HMCN1: variants seen among roughly 807,000 people sequenced by gnomAD.
HMCN1 encodes hemicentin-1.
Under a neutral mutation model 625.9 loss-of-function variants are expected in HMCN1, and 321 were observed. That is an observed-to-expected ratio of 0.51 (90% confidence interval 0.47 to 0.56). The LOEUF (loss-of-function observed/expected upper bound fraction) is 0.56. Ranked by LOEUF, HMCN1 falls within the 20% of genes least tolerant of loss-of-function variation. HMCN1 has a pLI of 0.00. For synonymous variants in HMCN1, 2,425 were observed against 2,417.6 expected (o/e 1.00, Z -0.09); for missense variants, 6,588 against 6,887.3 (o/e 0.96, Z 1.54).
intron 1 of HMCN1, among the ~76,000 whole-genome samples, chr1:185,742,036 G>GT (rs5779257): frequency 0.048 from 7,252 of 152,218 alleles, 492 homozygotes; most frequent in African/African-American, 0.16. Flanking sequence ...ATTGAGCTTA[G>GT]TTTGATAAAC....
At chr1:185,992,835 T>C (rs547459526) in intron 22 of HMCN1, among the ~76,000 whole-genome samples, 172 of 152,312 alleles carry the variant, frequency 1.1e-3, no homozygotes, top group African/African-American at 4.0e-3. Context: ...GTCTTCTTTT[T>C]CCTTTACTTT....
chr1:185,989,514 T>C lies in HMCN1; in HGVS notation c.3075T>C (p.Ser1025=). The C allele has an allele frequency of 6.2e-7, 1 of 1,613,988 alleles. No homozygotes were observed. Among genetic ancestry groups the C allele is most frequent in the Non-Finnish European group, 8.5e-7 (1 of 1,179,954 alleles). ...SKKGELISTS[S]AKFSAGADGS... is the part of the protein sequence containing the mutation. ...AAGGAGAGCTGATTTCAACCAGCAG[T>C]GCTAAGTTTTCAGCAGGAGCTGATG... is the stretch of plus-strand genomic sequence containing the variant. The change falls in exon 21 of 107, where the codon AGT becomes AGC. Residue 1025 remains serine, a synonymous_variant. Transcript: ENST00000271588.
chr1:186,160,400 T>A (rs1291361339), intron 97 of HMCN1, among the ~76,000 whole-genome samples: 1 of 146,664 alleles, frequency 6.8e-6, no homozygotes, highest in Non-Finnish European at 1.5e-5. Flanking sequence ...TTTTGAAGGG[T>A]TTTTTGTGTC....
chr1:185,947,574 C>T (rs1295145192), intron 11 of HMCN1, among the ~76,000 whole-genome samples: 1 of 152,152 alleles, frequency 6.6e-6, no homozygotes, highest in Non-Finnish European at 1.5e-5. Flanking sequence ...TCTCGTATTC[C>T]CATTGATGAG....
chr1:185,782,030 A>C (rs186240212), intron 1 of HMCN1, among the ~76,000 whole-genome samples: 246 of 152,212 alleles, frequency 1.6e-3, no homozygotes, highest in African/African-American at 5.7e-3. Flanking sequence ...CTGGGTGCTC[A>C]TGTATTGGGT....
intron 4 of HMCN1, among the ~76,000 whole-genome samples, chr1:185,885,797 T>C (rs1664608095): frequency 2.6e-5 from 4 of 152,084 alleles, no homozygotes; most frequent in Admixed American, 2.6e-4. Context: ...GCCAGTCATC[T>C]ACCCTGCAAT....
chr1:186,142,884 C>CT (rs1650059426), intron 89 of HMCN1, among the ~76,000 whole-genome samples: 10 of 152,080 alleles, frequency 6.6e-5, no homozygotes, highest in Admixed American at 6.6e-4. Context: ...GAGGCTGAGG[C>CT]TTTTGTTAAC....
chr1:185,958,865 T>A (rs1450645049), intron 11 of HMCN1, among the ~76,000 whole-genome samples: 1 of 152,124 alleles, frequency 6.6e-6, no homozygotes, highest in Non-Finnish European at 1.5e-5. Flanking sequence ...AAATGGTGGG[T>A]CTAGAGTTAG....
chr1:185,780,341 CT>C (rs1656977211), intron 1 of HMCN1, among the ~76,000 whole-genome samples: 1 of 152,188 alleles, frequency 6.6e-6, no homozygotes, highest in Non-Finnish European at 1.5e-5. Flanking sequence ...TCCTTTATGT[CT>C]TTCTCCTGCC....
intron 1 of HMCN1, among the ~76,000 whole-genome samples, chr1:185,776,695 T>C (rs1472208338): frequency 6.6e-6 from 1 of 152,160 alleles, no homozygotes; most frequent in South Asian, 2.1e-4. Flanking sequence ...GCTTTTAGCA[T>C]CACAGATGCT....
rs745475257 is a variant in HMCN1 at position 186,055,505 on chromosome 1, C to G, written c.6975C>G (p.Thr2325=). The G allele has an allele frequency of 7.4e-6, 12 of 1,612,812 alleles. No homozygotes were observed. In the African/African-American group the frequency reaches 1.5e-4, roughly 20 times the overall value. Residue 2325 remains threonine (T), a synonymous_variant, in exon 45 of 107, where the codon ACC becomes ACG. Transcript: ENST00000271588. ...EVQGIPPPTV[T]WMKDGHPLIK... ...AGGGTATTCCACCACCAACAGTGAC[C>G]TGGATGAAAGATGGCCACCCCTTGA...
At chr1:186,045,610 T>C in intron 40 of HMCN1, 78 bp from the exon 41 acceptor site, 1 of 1,056,410 alleles carries the variant, frequency 9.5e-7, no homozygotes, top group Non-Finnish European at 1.5e-6. Context: ...AGGTATTCAG[T>C]ATATGTCCTG....
rs369762032 is a variant in HMCN1 at position 186,013,178 on chromosome 1, G to A, written c.4631-1981G>A. Among the ~76,000 whole-genome samples the A allele has an allele frequency of 2.6e-5, 4 of 152,176 alleles. No homozygotes were observed. In the South Asian group the frequency reaches 6.2e-4, roughly 24 times the overall value. On this transcript the variant is annotated intron_variant, in intron 30 of 106. Transcript: ENST00000271588. ...ACTCTGCTACTGTTGAGTAAAAGCC[G>A]TAGACAATATATAAATGAATGAATG...
chr1:185,820,637 T>G (rs1660128052), intron 1 of HMCN1, among the ~76,000 whole-genome samples: 1 of 152,158 alleles, frequency 6.6e-6, no homozygotes, highest in South Asian at 2.1e-4. Context: ...CTAAAATATA[T>G]TTAAACTTGT....
At chr1:185,773,327 A>C (rs1378672965) in intron 1 of HMCN1, among the ~76,000 whole-genome samples, 2 of 152,192 alleles carry the variant, frequency 1.3e-5, no homozygotes, top group Non-Finnish European at 2.9e-5. Flanking sequence ...AAGACTGAAA[A>C]ACTTTGATCT....
At chr1:186,048,699 A>C in intron 41 of HMCN1, 44 bp from the exon 42 acceptor site, 1 of 1,152,758 alleles carries the variant, frequency 8.7e-7, no homozygotes, top group Non-Finnish European at 1.3e-6. Context: ...AAAAACCCCA[A>C]GTGAAATAGA....
chr1:185,941,565 A>C (rs1235580279), intron 11 of HMCN1, among the ~76,000 whole-genome samples: 1 of 152,146 alleles, frequency 6.6e-6, no homozygotes, highest in Non-Finnish European at 1.5e-5. Context: ...ATAAATGCAA[A>C]ATTTCAATTG....
chr1:186,139,233 T>G (rs1273747423), intron 89 of HMCN1, among the ~76,000 whole-genome samples: 1 of 152,246 alleles, frequency 6.6e-6, no homozygotes, highest in East Asian at 1.9e-4. Context: ...GAACTCAGGT[T>G]GATCTAATTA....
intron 97 of HMCN1, among the ~76,000 whole-genome samples, chr1:186,156,298 G>A (rs1013608055): frequency 6.6e-6 from 1 of 152,124 alleles, no homozygotes; most frequent in Non-Finnish European, 1.5e-5. Context: ...TGCATCACAT[G>A]TTATTGACAA....
Sources: allele counts gnomAD v4.1 joint callset (sites outside exome capture counted in the v4.1 genomes callset), GRCh38; gene constraint gnomAD v4.1.1; transcripts MANE v1.5; gene names NCBI Gene and HGNC (gene_info 2026-07-23, HGNC 2026-07-21).